Variants in FUT9 observed in about 807,000 individuals in gnomAD.
The protein encoded by FUT9 is fucosyltransferase 9, also known as 4-galactosyl-N-acetylglucosaminide 3-alpha-L-fucosyltransferase 9.
Under a neutral mutation model 29.7 loss-of-function variants are expected in FUT9, and 15 were observed. The observed-to-expected ratio is 0.51, with a 90% CI of 0.34 to 0.78. The LOEUF (loss-of-function observed/expected upper bound fraction) is 0.78. FUT9 is among the 30% of genes least tolerant of loss of function. The pLI, the probability that FUT9 is intolerant of heterozygous loss-of-function variation, is 0.01. For missense variants in FUT9, 319 were observed against 425.4 expected (o/e 0.75, Z 2.20); for synonymous variants, 169 against 153.7 (o/e 1.10, Z -0.74).
At chr6:96,067,880 T>C (rs1439650236) in intron 1 of FUT9, among the ~76,000 whole-genome samples, 1 of 152,194 alleles carries the variant, frequency 6.6e-6, no homozygotes, top group African/African-American at 2.4e-5. Flanking sequence ...GTAATACGTA[T>C]GTTTACTTCA....
intron 1 of FUT9, among the ~76,000 whole-genome samples, chr6:96,089,999 T>C (rs960570474): frequency 6.6e-5 from 10 of 152,124 alleles, no homozygotes; most frequent in African/African-American, 2.4e-4. Context: ...ATAGGAAGAC[T>C]TGACAAAAAT....
rs772368855 is a variant in FUT9, at chr6:96,204,069, T to C, written c.914T>C (p.Val305Ala). The change falls in exon 3 of 3, where the codon GTC becomes GCC. Residue 305 changes from valine (V) to alanine (A), a missense_variant. By Grantham distance (64) the Val-to-Ala change is moderately conservative. Transcript: ENST00000302103. ...GAGCTAGCAAAGTATCTGAAGGAAGTCGACAAAAACAATAAGTTATACCTT... is the reference window on the plus strand; with the variant it reads ...GAGCTAGCAAAGTATCTGAAGGAAGCCGACAAAAACAATAAGTTATACCTT... Reference protein sequence around the residue: ...PSELAKYLKEVDKNNKLYLSY... With the variant: ...PSELAKYLKEADKNNKLYLSY... The C allele has an allele frequency of 6.4e-6, 10 of 1,552,228 alleles. No homozygotes were observed. The African/African-American group carries it at 1.4e-4, about 21-fold the overall frequency.
Position 96,203,669 on chromosome 6 carries a change from A to G in FUT9, c.514A>G (p.Thr172Ala). 1.2e-6 allele frequency: 2 copies of G among 1,613,998 alleles called. No individual in the cohort carries two copies. The highest frequency in any genetic ancestry group is 1.7e-6 in the Non-Finnish European group (2 of 1,179,996). The change falls in exon 3 of 3, where the codon ACG (threonine) becomes GCG (alanine). Residue 172 changes from threonine to alanine, a missense_variant. By Grantham distance (58) the Thr-to-Ala change is moderately conservative. Transcript: ENST00000302103. ...TATCCAAGTGCCTTATGGCTTCTTGACGGTAAGCACAAATCCCTTCGTGTT... is the reference window on the plus strand; with the variant it reads ...TATCCAAGTGCCTTATGGCTTCTTGGCGGTAAGCACAAATCCCTTCGTGTT... ...SDIQVPYGFLTVSTNPFVFEV... is the reference protein window; with the variant it reads ...SDIQVPYGFLAVSTNPFVFEV...
At chr6:96,037,618 T>G (rs1380865802) in intron 1 of FUT9, among the ~76,000 whole-genome samples, 1 of 152,038 alleles carries the variant, frequency 6.6e-6, no homozygotes, top group Non-Finnish European at 1.5e-5. Context: ...GATTAACCCT[T>G]GAGACTAATC....
rs1773885369 is a variant in FUT9 at position 96,209,015 on chromosome 6, T to G, written c.*4780T>G. ...GTAATTCATATTGAATATATCCATA[T>G]TCATATGCATTTTATAAAACAGTTA... On this transcript the variant is annotated 3_prime_UTR_variant, in exon 3 of 3. Coordinates refer to ENST00000302103, the MANE Select transcript of FUT9 (RefSeq NM_006581.4). 1 of 166,802 alleles carries G rather than the reference T, an allele frequency of 6.0e-6. No individual in the cohort carries two copies. The highest frequency in any genetic ancestry group is 6.6e-5 in the Admixed American group (1 of 15,240). 10.3% of individuals were successfully genotyped at this position (166,802 alleles called of 1,614,324 possible).
intron 2 of FUT9, among the ~76,000 whole-genome samples, chr6:96,115,206 C>G (rs1017030530): frequency 6.6e-6 from 1 of 152,044 alleles, no homozygotes; most frequent in East Asian, 1.9e-4. Context: ...TTTCTCATGG[C>G]CACATTTTTT....
intron 2 of FUT9, among the ~76,000 whole-genome samples, chr6:96,116,125 G>A (rs1480524024): frequency 6.6e-6 from 1 of 151,940 alleles, no homozygotes; most frequent in African/African-American, 2.4e-5. Flanking sequence ...AATTTTCCTG[G>A]TAAAATATCT....
rs778989986 is a variant in FUT9, at chr6:96,120,932, T to C, written c.-9+6805T>C. Reference sequence around the variant, plus strand: ...GTAGGACAAATAGATGGAAAAATAGTTGGATTTTTCTTACACATACCGTCC... The same window carrying C: ...GTAGGACAAATAGATGGAAAAATAGCTGGATTTTTCTTACACATACCGTCC... On this transcript the variant is annotated intron_variant, in intron 2 of 2. Transcript: ENST00000302103. Among the ~76,000 whole-genome samples the C allele has an allele frequency of 5.9e-5, 9 of 152,154 alleles. 1 individual carries two copies. Among genetic ancestry groups the C allele is most frequent in the Admixed American group, 6.5e-5 (1 of 15,286 alleles).
intron 2 of FUT9, among the ~76,000 whole-genome samples, chr6:96,179,292 C>A (rs566212099): frequency 1.3e-5 from 2 of 152,006 alleles, no homozygotes; most frequent in East Asian, 3.9e-4. Context: ...TCCCGTGTAC[C>A]AGAAATTGTG....
In FUT9 at chr6:96,069,263, G is replaced by A. The variant is rs555007551; in HGVS notation, c.-97-44776G>A. ...CGGGACGCTGGTGGCGGAGGTTGCAGTGAGCCGAGATCGCGCCACTGAACT... is the reference window on the plus strand; with the variant it reads ...CGGGACGCTGGTGGCGGAGGTTGCAATGAGCCGAGATCGCGCCACTGAACT... On this transcript the variant is annotated intron_variant, in intron 1 of 2. Coordinates refer to ENST00000302103, the MANE Select transcript of FUT9 (RefSeq NM_006581.4). 7.2e-5 allele frequency among the ~76,000 whole-genome samples: 11 copies of A among 151,998 alleles called. No individual in the cohort carries two copies. In the East Asian group the frequency reaches 2.1e-3, roughly 30 times the overall value.
chr6:96,047,776 A>T (rs1223457200), intron 1 of FUT9, among the ~76,000 whole-genome samples: 2 of 152,236 alleles, frequency 1.3e-5, no homozygotes, highest in Non-Finnish European at 2.9e-5. Flanking sequence ...ACAGGCAACA[A>T]GAATTAAGAA....
intron 2 of FUT9, among the ~76,000 whole-genome samples, chr6:96,152,559 T>G (rs1772696799): frequency 6.6e-6 from 1 of 152,174 alleles, no homozygotes; most frequent in South Asian, 2.1e-4. Flanking sequence ...GAGTGGGGCT[T>G]GAAAAATCTG....
At chr6:96,059,222 G>A (rs1047871136) in intron 1 of FUT9, among the ~76,000 whole-genome samples, 9 of 152,098 alleles carry the variant, frequency 5.9e-5, no homozygotes, top group African/African-American at 1.9e-4. Context: ...CTGCTAAATG[G>A]AGTATAGAAT....
intron 1 of FUT9, among the ~76,000 whole-genome samples, chr6:96,021,516 G>A (rs950202063): frequency 9.9e-5 from 15 of 151,912 alleles, no homozygotes; most frequent in African/African-American, 3.6e-4. Context: ...AGGGAAGGAG[G>A]TTATGAACAA....
At chr6:96,055,382 G>GTTT (rs769042727) in intron 1 of FUT9, among the ~76,000 whole-genome samples, 3,256 of 104,740 alleles carry the variant, frequency 0.031, 43 homozygotes, top group Non-Finnish European at 0.041. Flanking sequence ...GCTGTTTGGG[G>GTTT]TTTGTTTTTT....
intron 2 of FUT9, among the ~76,000 whole-genome samples, chr6:96,141,622 GCTT>G (rs1772465943): frequency 6.6e-6 from 1 of 152,190 alleles, no homozygotes; most frequent in Admixed American, 6.5e-5. Flanking sequence ...ATTCACAGAC[GCTT>G]GCACTTTGTG....
intron 1 of FUT9, among the ~76,000 whole-genome samples, chr6:96,065,189 T>G (rs1770942318): frequency 6.6e-6 from 1 of 152,178 alleles, no homozygotes; most frequent in Non-Finnish European, 1.5e-5. Context: ...AAAAATATTC[T>G]GAGACTTAGT....
chr6:96,159,055 T>C (rs1231708038), intron 2 of FUT9, among the ~76,000 whole-genome samples: 19 of 152,224 alleles, frequency 1.2e-4, no homozygotes, highest in Admixed American at 1.1e-3. Context: ...CTAATTATCT[T>C]TTCTAATAAT....
intron 1 of FUT9, among the ~76,000 whole-genome samples, chr6:96,039,258 C>A (rs1357085392): frequency 3.9e-5 from 6 of 151,966 alleles, no homozygotes; most frequent in African/African-American, 1.4e-4. Flanking sequence ...TAGTGAAAAC[C>A]AAGCAATGGA....
Sources: gnomAD v4.1 joint callset for allele counts (sites outside exome capture counted in the v4.1 genomes callset) on GRCh38, gnomAD v4.1.1 for gene constraint, MANE v1.5 for transcripts, NCBI Gene and HGNC (gene_info 2026-07-23, HGNC 2026-07-21) for gene names.